HS3ST5: variants seen among roughly 807,000 people sequenced by gnomAD.
HS3ST5 encodes heparan sulfate-glucosamine 3-sulfotransferase 5, also known as heparan sulfate glucosamine 3-O-sulfotransferase 5.
A neutral mutation model predicts 25.4 loss-of-function variants in HS3ST5; 10 were observed. The ratio of observed to expected loss-of-function variants is 0.39; its 90% confidence interval spans 0.24 to 0.67. The LOEUF (loss-of-function observed/expected upper bound fraction) is 0.67, where lower values mean the gene tolerates loss of function less well. HS3ST5 is among the 30% of genes least tolerant of loss of function. HS3ST5 has a pLI of 0.44. For missense variants in HS3ST5, 324 were observed against 420.7 expected, an observed-to-expected ratio of 0.77 and a Z score of 2.01; for synonymous variants, 170 against 162.4, an observed-to-expected ratio of 1.05 and a Z score of -0.36.
intron 2 of HS3ST5, among the ~76,000 whole-genome samples, chr6:114,203,374 C>T (rs1243068575): frequency 6.6e-6 from 1 of 152,080 alleles, no homozygotes. Context: ...GACTGAACCG[C>T]CTTTGTAAGA....
chr6:114,179,286 C>T (rs1779856172), intron 2 of HS3ST5: 1 of 152,172 alleles, frequency 6.6e-6, no homozygotes, highest in South Asian at 2.1e-4. Context: ...GCAATTCAGA[C>T]CTCACATTCT....
intron 3 of HS3ST5, among the ~76,000 whole-genome samples, chr6:114,109,959 T>C (rs779706770): frequency 2.0e-5 from 3 of 152,212 alleles, no homozygotes; most frequent in Non-Finnish European, 4.4e-5. Context: ...GCTGGACTTA[T>C]ATAATGGTCA....
intron 3 of HS3ST5, among the ~76,000 whole-genome samples, chr6:114,087,600 G>T (rs995204381): frequency 6.6e-6 from 1 of 152,114 alleles, no homozygotes; most frequent in African/African-American, 2.4e-5. Flanking sequence ...GGCCCAGTGA[G>T]ATAAACAAAA....
chr6:114,338,210 T>A (rs888323896), intron 1 of HS3ST5, among the ~76,000 whole-genome samples: 3 of 151,960 alleles, frequency 2.0e-5, no homozygotes, highest in African/African-American at 7.2e-5. Context: ...AGGGATTCTA[T>A]TCCTGTTGTA....
intron 1 of HS3ST5, among the ~76,000 whole-genome samples, chr6:114,250,143 A>T (rs1242523194): frequency 3.3e-5 from 5 of 152,230 alleles, no homozygotes; most frequent in Non-Finnish European, 5.9e-5. Flanking sequence ...AAAATTTTTT[A>T]TAAACCAATT....
intron 1 of HS3ST5, among the ~76,000 whole-genome samples, chr6:114,254,048 AGAG>A (rs1477891599): frequency 6.6e-6 from 1 of 152,180 alleles, no homozygotes; most frequent in Non-Finnish European, 1.5e-5. Flanking sequence ...GCCTAAAAGG[AGAG>A]GAGAAAAGAG....
chr6:114,156,077 C>T (rs1778683449), intron 3 of HS3ST5, among the ~76,000 whole-genome samples: 1 of 152,312 alleles, frequency 6.6e-6, no homozygotes, highest in Middle Eastern at 3.4e-3. Context: ...CTTCTCTTAA[C>T]TCACAATAAT....
At chr6:114,178,086 T>C (rs1020673863) in intron 2 of HS3ST5, among the ~76,000 whole-genome samples, 3 of 152,184 alleles carry the variant, frequency 2.0e-5, no homozygotes, top group African/African-American at 7.2e-5. Context: ...TTTGGCTTTC[T>C]TTTCTTTAAG....
At chr6:114,151,937 A>AT (rs912832896) in intron 3 of HS3ST5, among the ~76,000 whole-genome samples, 56 of 151,710 alleles carry the variant, frequency 3.7e-4, no homozygotes, top group Non-Finnish European at 6.9e-4. Context: ...ATTTTATTTT[A>AT]TTTTTTTTAA....
At chr6:114,327,696 T>A (rs1210856464) in intron 1 of HS3ST5, among the ~76,000 whole-genome samples, 1 of 152,106 alleles carries the variant, frequency 6.6e-6, no homozygotes, top group Non-Finnish European at 1.5e-5. Context: ...CCAGTAAATA[T>A]TTTTGGAATT....
chr6:114,105,735 G>T (rs1775959405), intron 3 of HS3ST5, among the ~76,000 whole-genome samples: 1 of 152,088 alleles, frequency 6.6e-6, no homozygotes, highest in Admixed American at 6.5e-5. Context: ...TTTATAAACT[G>T]CTGTTTTCTG....
At position 114,158,288 on chromosome 6, in the gene HS3ST5, A is replaced by T. The variant is rs573644714; in HGVS notation, c.-33+10063T>A. ...AAAGAAAGAATAAAATCTAATTGTC[A>T]GATTCTAGTTGATTATATAACATGT... On this transcript the variant is annotated intron_variant, in intron 3 of 4. Transcript: ENST00000312719. Among the ~76,000 whole-genome samples the T allele has an allele frequency of 2.0e-5, 3 of 152,362 alleles. No homozygotes were observed. In the East Asian group the frequency reaches 5.8e-4, roughly 29 times the overall value.
intron 1 of HS3ST5, among the ~76,000 whole-genome samples, chr6:114,276,935 G>A (rs1773882779): frequency 6.6e-6 from 1 of 151,976 alleles, no homozygotes; most frequent in Non-Finnish European, 1.5e-5. Context: ...GATCTTGTTG[G>A]AAGATATTAT....
intron 3 of HS3ST5, among the ~76,000 whole-genome samples, chr6:114,091,983 G>T (rs1208845128): frequency 6.6e-6 from 1 of 152,116 alleles, no homozygotes; most frequent in African/African-American, 2.4e-5. Context: ...ATGGCAGAAG[G>T]CAAAACCACT....
chr6:114,330,780 G>C (rs573374292), intron 1 of HS3ST5, among the ~76,000 whole-genome samples: 1 of 152,144 alleles, frequency 6.6e-6, no homozygotes, highest in Non-Finnish European at 1.5e-5. Context: ...GGGAGTCCTG[G>C]GTAAAACAAA....
At chr6:114,290,602 G>T (rs780641485) in intron 1 of HS3ST5, among the ~76,000 whole-genome samples, 3 of 152,096 alleles carry the variant, frequency 2.0e-5, no homozygotes, top group Admixed American at 6.5e-5. Context: ...CTTGTCCTAG[G>T]AGAATTCACA....
At chr6:114,177,057 T>C (rs1054725395) in intron 2 of HS3ST5, among the ~76,000 whole-genome samples, 2 of 152,238 alleles carry the variant, frequency 1.3e-5, no homozygotes, top group African/African-American at 2.4e-5. Context: ...TGTATTTCCC[T>C]ATCCCATTTC....
chr6:114,093,349 T>C (rs1775231556), intron 3 of HS3ST5, among the ~76,000 whole-genome samples: 2 of 98,120 alleles, frequency 2.0e-5, no homozygotes, highest in South Asian at 7.5e-4. Flanking sequence ...TTTTGTTTGT[T>C]TGTTTGTGTG....
intron 1 of HS3ST5, among the ~76,000 whole-genome samples, chr6:114,296,432 T>A (rs1392153840): frequency 1.3e-5 from 2 of 152,202 alleles, no homozygotes; most frequent in Admixed American, 1.3e-4. Context: ...ATTTTGCTGG[T>A]AAGTTCAGAA....
Sources: allele counts gnomAD v4.1 joint callset (sites outside exome capture counted in the v4.1 genomes callset), GRCh38; gene constraint gnomAD v4.1.1; transcripts MANE v1.5; gene names NCBI Gene and HGNC (gene_info 2026-07-23, HGNC 2026-07-21).